Variants in HNRNPD observed in about 807,000 individuals in gnomAD.
HNRNPD encodes heterogeneous nuclear ribonucleoprotein D, also known as heterogeneous nuclear ribonucleoprotein D0.
HNRNPD carries 3 observed loss-of-function variants against 47.9 expected under a neutral mutation model. The observed-to-expected ratio is 0.06, with a 90% CI of 0.03 to 0.16. The LOEUF (loss-of-function observed/expected upper bound fraction) is 0.16. Ranked by LOEUF, HNRNPD falls within the 10% of genes least tolerant of loss-of-function variation. The probability of loss-of-function intolerance (pLI) is 1.00; values close to 1 mark genes in which losing one functional copy is unlikely to be tolerated. For synonymous variants in HNRNPD, 171 were observed against 165.1 expected (o/e 1.04, Z -0.28); for missense variants, 287 against 454.2 (o/e 0.63, Z 3.35).
chr4:82,370,426 A>C (rs933431779), intron 2 of HNRNPD, among the ~76,000 whole-genome samples: 1 of 152,200 alleles, frequency 6.6e-6, no homozygotes, highest in Non-Finnish European at 1.5e-5. Flanking sequence ...TTTATAGTTT[A>C]ATCTTAATTT....
In HNRNPD at chr4:82,373,589, C is replaced by T. The variant is rs901423363; in HGVS notation, c.90G>A (p.Met30Ile). 2.0e-6 allele frequency: 3 copies of T among 1,535,920 alleles called. No homozygotes were observed. The highest frequency in any genetic ancestry group is 2.8e-5 in the African/African-American group (2 of 71,864). Residue 30 changes from methionine to isoleucine, a missense_variant, in exon 1 of 9, where the codon ATG becomes ATA. Physicochemically the swap from Met to Ile is conservative, Grantham distance 10. Transcript: ENST00000313899. ...GGSAGEQEGA[M>I]VAATQGAAAA... ...CCGCTGCCCCCTGTGTCGCCGCCAC[C>T]ATGGCTCCCTCCTGCTCGCCCGCCG...
chr4:82,363,484 C>G (rs1346799346), intron 2 of HNRNPD, among the ~76,000 whole-genome samples: 1 of 152,158 alleles, frequency 6.6e-6, no homozygotes, highest in Non-Finnish European at 1.5e-5. Flanking sequence ...GTCACTCCTG[C>G]GTAGTGCAAA....
At chr4:82,361,348 GAA>G (rs1719422696) in intron 2 of HNRNPD, among the ~76,000 whole-genome samples, 2 of 152,220 alleles carry the variant, frequency 1.3e-5, no homozygotes, top group Admixed American at 1.3e-4. Context: ...TTTTTAATGA[GAA>G]AGAGAACTGA....
intron 2 of HNRNPD, among the ~76,000 whole-genome samples, chr4:82,367,007 C>T (rs1421879949): frequency 2.7e-5 from 4 of 150,418 alleles, no homozygotes; most frequent in Non-Finnish European, 5.9e-5. Flanking sequence ...ACTACAAACA[C>T]ACCCCCCAAC....
chr4:82,367,115 C>G (rs1482369017), intron 2 of HNRNPD, among the ~76,000 whole-genome samples: 1 of 150,790 alleles, frequency 6.6e-6, no homozygotes, highest in Non-Finnish European at 1.5e-5. Flanking sequence ...ATCCTCATAC[C>G]TCAAGACTTC....
rs749153006 is a variant in HNRNPD at position 82,358,855 on chromosome 4, T to C, written c.460-35A>G. The C allele has an allele frequency of 4.8e-6, 7 of 1,456,244 alleles. No homozygotes were observed. In the Admixed American group the frequency reaches 6.2e-5, roughly 13 times the overall value. 90.2% of individuals were successfully genotyped at this position (1,456,244 alleles called of 1,614,324 possible). A position where few individuals can be genotyped will look rare whatever the true frequency, so the allele number is the denominator to read the frequency against. Reference sequence around the variant, plus strand: ...TTGAAGTTTTCATTTAAAAAATATATATCTTAACTGAAGTTCAGAGACTAT... The same window carrying C: ...TTGAAGTTTTCATTTAAAAAATATACATCTTAACTGAAGTTCAGAGACTAT... On this transcript the variant is annotated intron_variant, in intron 3 of 8. Coordinates refer to ENST00000313899, the MANE Select transcript of HNRNPD (RefSeq NM_031370.3).
chr4:82,372,299 A>C (rs1235541705), intron 1 of HNRNPD, among the ~76,000 whole-genome samples: 1 of 152,180 alleles, frequency 6.6e-6, no homozygotes, highest in Non-Finnish European at 1.5e-5. Flanking sequence ...CCCAATCCCA[A>C]ATGCTGCATT....
intron 2 of HNRNPD, among the ~76,000 whole-genome samples, chr4:82,369,159 T>A (rs1719906675): frequency 6.6e-6 from 1 of 152,244 alleles, no homozygotes; most frequent in Admixed American, 6.5e-5. Context: ...ACATGGCATG[T>A]ATATTTTGCC....
chr4:82,367,152 G>A (rs1050564127), intron 2 of HNRNPD, among the ~76,000 whole-genome samples: 8 of 151,632 alleles, frequency 5.3e-5, no homozygotes, highest in Non-Finnish European at 1.0e-4. Flanking sequence ...ACAGGCACGA[G>A]CCACTACTTT....
At chr4:82,365,777 T>TG (rs943615290) in intron 2 of HNRNPD, among the ~76,000 whole-genome samples, 1 of 143,198 alleles carries the variant, frequency 7.0e-6, no homozygotes, top group African/African-American at 2.7e-5. Flanking sequence ...GCTAATTTTT[T>TG]TTTTTTTTTT....
rs113556968 is a variant in HNRNPD, at chr4:82,358,939, A to T, written c.460-119T>A. 2.9e-3 allele frequency: 2,110 copies of T among 735,694 alleles called. 30 individuals carry two copies. In the African/African-American group the frequency reaches 0.033, roughly 12 times the overall value. The allele number at this position is 735,694 out of a possible 1,614,324, so 45.6% of individuals were successfully genotyped here. The stretch of plus-strand genomic sequence containing the variant: ...ATGCCAAGCATATGTTGACTTGCTC[A>T]AGATTAAACTGTCAAGTCATGGTGG... On this transcript the variant is annotated intron_variant, in intron 3 of 8. Coordinates refer to ENST00000313899, the MANE Select transcript of HNRNPD (RefSeq NM_031370.3).
At chr4:82,355,656 A>C (rs1723684212) in intron 7 of HNRNPD, 1 of 472,616 alleles carries the variant, frequency 2.1e-6, no homozygotes. Context: ...CTTACAGTTT[A>C]AAAGTTTTAA....
Position 82,355,289 on chromosome 4 carries a change from AT to A in HNRNPD, c.*30+14del. On this transcript the variant is annotated intron_variant, in intron 8 of 8. Coordinates refer to ENST00000313899, the MANE Select transcript of HNRNPD (RefSeq NM_031370.3). ...CTATTGTAAATGACAAAAAAAAACT[AT>A]TTTTAGAACATACCTGTTGGGGATA... 7.1e-7 allele frequency: 1 copy of A among 1,403,928 alleles called. No individual in the cohort carries two copies. Among genetic ancestry groups the A allele is most frequent in the Non-Finnish European group, 1.0e-6 (1 of 996,042 alleles). The allele number at this position is 1,403,928 out of a possible 1,614,324, so 87.0% of individuals were successfully genotyped here.
chr4:82,369,846 A>C (rs1223673267), intron 2 of HNRNPD, among the ~76,000 whole-genome samples: 1 of 152,232 alleles, frequency 6.6e-6, no homozygotes, highest in Non-Finnish European at 1.5e-5. Context: ...TGTAATTTTA[A>C]AATCAACCTG....
At position 82,364,740 on chromosome 4, in the gene HNRNPD, G is replaced by A. The variant is rs941165171; in HGVS notation, c.291-5101C>T. On this transcript the variant is annotated intron_variant, in intron 2 of 8. Transcript: ENST00000313899. The stretch of plus-strand genomic sequence containing the variant: ...CTTCCAAAATCACCTTGATGACTTG[G>A]TCTACCCTACATTTATGCCAGTAAT... Among the ~76,000 whole-genome samples the A allele has an allele frequency of 1.6e-4, 24 of 152,048 alleles. 1 individual carries two copies. The highest frequency in any genetic ancestry group is 4.4e-5 in the Non-Finnish European group (3 of 68,008).
intron 1 of HNRNPD, 27 bp downstream of exon 1, chr4:82,373,419 G>A: frequency 1.3e-6 from 2 of 1,560,942 alleles, no homozygotes; most frequent in Non-Finnish European, 1.7e-6. Flanking sequence ...AGTTGGGCCT[G>A]ACTATCCTGG....
intron 5 of HNRNPD, 77 bp downstream of exon 5, chr4:82,357,236 C>T (rs1004885695): frequency 1.4e-6 from 2 of 1,463,662 alleles, no homozygotes; most frequent in African/African-American, 1.4e-5. Context: ...GAACTTAAGC[C>T]TTTACAGAGA....
At chr4:82,371,954 TATC>T (rs1720066334) in intron 1 of HNRNPD, among the ~76,000 whole-genome samples, 1 of 152,104 alleles carries the variant, frequency 6.6e-6, no homozygotes, top group South Asian at 2.1e-4. Context: ...AAACCAGCAC[TATC>T]ATCAAACAGC....
Position 82,373,233 on chromosome 4 carries a change from G to A in HNRNPD, c.233+213C>T, listed in dbSNP as rs527341951. The A allele has an allele frequency of 2.4e-5, 18 of 736,140 alleles. No homozygotes were observed. In the East Asian group the frequency reaches 3.6e-4, roughly 15 times the overall value. The allele number at this position is 736,140 out of a possible 1,614,324, so 45.6% of individuals were successfully genotyped here. A position where few individuals can be genotyped will look rare whatever the true frequency, so the allele number is the denominator to read the frequency against. On this transcript the variant is annotated intron_variant, in intron 1 of 8. Coordinates refer to ENST00000313899, the MANE Select transcript of HNRNPD (RefSeq NM_031370.3). Reference sequence around the variant, plus strand: ...CATGGTGACGGCTAAAGGTGGAAACGTGTGTGATGGGGGAGGGGGGCGATA... The same window carrying A: ...CATGGTGACGGCTAAAGGTGGAAACATGTGTGATGGGGGAGGGGGGCGATA...
Sources: gnomAD v4.1 joint callset for allele counts (sites outside exome capture counted in the v4.1 genomes callset) on GRCh38, gnomAD v4.1.1 for gene constraint, MANE v1.5 for transcripts, NCBI Gene and HGNC (gene_info 2026-07-23, HGNC 2026-07-21) for gene names.